The following CCDC7 variants were observed in gnomAD, a reference collection of about 807,000 sequenced individuals.
CCDC7 encodes coiled-coil domain containing 7.
In CCDC7, 183 loss-of-function variants were observed where a neutral mutation model predicts 196.9. That is an observed-to-expected ratio of 0.93 (90% CI 0.82 to 1.05). The LOEUF is 1.05. CCDC7 is among the 50% of genes least tolerant of loss of function. The pLI is 0.00. For missense variants in CCDC7, 1,540 were observed against 1,482.2 expected, an observed-to-expected ratio of 1.04 and a Z score of -0.64; for synonymous variants, 525 against 484.6, an observed-to-expected ratio of 1.08 and a Z score of -1.10.
intron 28 of CCDC7, among the ~76,000 whole-genome samples, chr10:32,755,779 C>A (rs949722723): frequency 2.0e-5 from 3 of 152,050 alleles, no homozygotes; most frequent in African/African-American, 7.2e-5. Context: ...GAGAAGAAGG[C>A]TTCAGACGAT....
exon 28 of CCDC7, chr10:32,729,399 A>G (rs774950638): frequency 2.0e-6 from 3 of 1,510,976 alleles, no homozygotes; most frequent in Non-Finnish European, 2.7e-6. Context: ...AGAAAGTTTT[A>G]TTATCAAGAA....
rs185178021 is a variant in CCDC7 at position 32,739,726 on chromosome 10, G to C, written c.2905+10269G>C. On this transcript the variant is annotated intron_variant, in intron 28 of 41. Coordinates refer to ENST00000639629, the Ensembl canonical transcript of CCDC7. The stretch of plus-strand genomic sequence containing the variant: ...GTTGAAATCTAGACATAATGTATTG[G>C]ACAATAGGAACTGAGGTATGTAAGC... Among the ~76,000 whole-genome samples the C allele has an allele frequency of 1.4e-3, 215 of 151,850 alleles. 1 individual carries two copies. Among genetic ancestry groups the C allele is most frequent in the Admixed American group, 3.5e-3 (54 of 15,222 alleles).
intron 32 of CCDC7, among the ~76,000 whole-genome samples, chr10:32,831,812 G>A (rs1208776513): frequency 6.6e-6 from 1 of 152,094 alleles, no homozygotes; most frequent in African/African-American, 2.4e-5. Flanking sequence ...ACCTGTCTGA[G>A]GCTGTTCTAC....
chr10:32,462,270 TA>T (rs1471496122), intron 3 of CCDC7, among the ~76,000 whole-genome samples: 4 of 151,770 alleles, frequency 2.6e-5, no homozygotes, highest in Admixed American at 2.6e-4. Context: ...AAAACAAAAT[TA>T]AAAATTAGCC....
chr10:32,773,759 G>A (rs2079533845), intron 28 of CCDC7, among the ~76,000 whole-genome samples: 1 of 152,088 alleles, frequency 6.6e-6, no homozygotes, highest in South Asian at 2.1e-4. Context: ...TGATTTTTAT[G>A]TTGATGCCTG....
At chr10:32,472,037 T>C (rs898452256) in intron 6 of CCDC7, among the ~76,000 whole-genome samples, 7 of 152,162 alleles carry the variant, frequency 4.6e-5, no homozygotes, top group African/African-American at 1.4e-4. Context: ...GAGAATAAAC[T>C]GAAGCCAATA....
intron 20 of CCDC7, among the ~76,000 whole-genome samples, chr10:32,635,504 C>G (rs1454031442): frequency 6.6e-6 from 1 of 151,930 alleles, no homozygotes; most frequent in African/African-American, 2.4e-5. Flanking sequence ...GTTTGTTTGC[C>G]TTAAAAACTA....
At chr10:32,669,891 G>A (rs941770574) in intron 21 of CCDC7, among the ~76,000 whole-genome samples, 1 of 151,942 alleles carries the variant, frequency 6.6e-6, no homozygotes, top group Non-Finnish European at 1.5e-5. Context: ...TGTTTGTATT[G>A]TTATACGTGA....
Position 32,472,466 on chromosome 10 carries a change from A to G in CCDC7, c.678-15A>G. On this transcript the variant is annotated splice_polypyrimidine_tract_variant and intron_variant, in intron 6 of 41. Coordinates refer to ENST00000639629, the Ensembl canonical transcript of CCDC7. ...TGATATATTAAAAAATATTTCATTTATCGAACTTTAACAGGGATAAAGAAA... is the reference window on the plus strand; with the variant it reads ...TGATATATTAAAAAATATTTCATTTGTCGAACTTTAACAGGGATAAAGAAA... 1 of 1,562,500 alleles carries G rather than the reference A, an allele frequency of 6.4e-7. No homozygotes were observed. Among genetic ancestry groups the G allele is most frequent in the Admixed American group, 1.9e-5 (1 of 53,928 alleles).
rs201935164 is a variant in CCDC7, at chr10:32,543,321, C to T, written c.1015C>T (p.Arg339Ter). 4.4e-5 allele frequency: 64 copies of T among 1,448,068 alleles called. No individual in the cohort carries two copies. The South Asian group carries it at 6.2e-4, about 14-fold the overall frequency. The allele number at this position is 1,448,068 out of a possible 1,614,324, so 89.7% of individuals were successfully genotyped here. ...ACAGAAAACTAAGCCTACAAATAAT[C>T]GAACAAAGAAAGCTGTGAAAACAGT... is the stretch of plus-strand genomic sequence containing the variant. Residue 339 changes from arginine (R) to a stop codon, truncating the protein, a stop_gained, in exon 12 of 42, where the codon CGA (arginine) becomes TGA (stop). Coordinates refer to ENST00000639629, the Ensembl canonical transcript of CCDC7. LOFTEE classifies it high-confidence loss of function.
intron 23 of CCDC7, among the ~76,000 whole-genome samples, chr10:32,689,883 C>A (rs916178509): frequency 6.6e-6 from 1 of 152,076 alleles, no homozygotes; most frequent in Non-Finnish European, 1.5e-5. Flanking sequence ...TATAGGCACA[C>A]ACCACCACGT....
At position 32,526,450 on chromosome 10, in the gene CCDC7, T is replaced by C. The variant is rs946128581; in HGVS notation, c.993+7945T>C. 3.9e-5 allele frequency among the ~76,000 whole-genome samples: 6 copies of C among 152,184 alleles called. 1 individual carries two copies. Among genetic ancestry groups the C allele is most frequent in the African/African-American group, 1.4e-4 (6 of 41,444 alleles). On this transcript the variant is annotated intron_variant, in intron 11 of 41. Coordinates refer to ENST00000639629, the Ensembl canonical transcript of CCDC7. ...ACCTAGGGTGCAGGACAAAGTCACC[T>C]TTACGTTTCCCCCTTATTTTCTCAA... is the stretch of plus-strand genomic sequence containing the variant.
intron 5 of CCDC7, among the ~76,000 whole-genome samples, chr10:32,468,905 G>A (rs1236921327): frequency 3.3e-5 from 5 of 152,188 alleles, no homozygotes; most frequent in Non-Finnish European, 7.3e-5. Context: ...TGCATTACAT[G>A]TTGCATTAAC....
chr10:32,550,633 T>G (rs2053320968), intron 13 of CCDC7, among the ~76,000 whole-genome samples: 4 of 152,170 alleles, frequency 2.6e-5, no homozygotes, highest in Admixed American at 2.6e-4. Context: ...GTTGAATGAT[T>G]TTTCTGCATC....
At chr10:32,722,256 T>C (rs377692027) in intron 25 of CCDC7, among the ~76,000 whole-genome samples, 1 of 152,114 alleles carries the variant, frequency 6.6e-6, no homozygotes, top group Non-Finnish European at 1.5e-5. Context: ...AGCAGGAATA[T>C]ACTAAAACAA....
At chr10:32,656,006 C>T (rs1217240082) in intron 20 of CCDC7, among the ~76,000 whole-genome samples, 1 of 152,052 alleles carries the variant, frequency 6.6e-6, no homozygotes, top group Non-Finnish European at 1.5e-5. Flanking sequence ...TGTAGGTTGT[C>T]TCTTCATACT....
chr10:32,525,800 A>G (rs2048583374), intron 11 of CCDC7, among the ~76,000 whole-genome samples: 1 of 152,148 alleles, frequency 6.6e-6, no homozygotes, highest in Non-Finnish European at 1.5e-5. Context: ...TAAGATCCAG[A>G]AGGATTCTCT....
chr10:32,657,329 T>C (rs958363097), intron 20 of CCDC7, among the ~76,000 whole-genome samples: 14 of 152,218 alleles, frequency 9.2e-5, no homozygotes, highest in Non-Finnish European at 1.2e-4. Flanking sequence ...TAGCAGAGGT[T>C]CTCCGTGAAT....
At chr10:32,673,092 A>G (rs2074335532) in intron 21 of CCDC7, among the ~76,000 whole-genome samples, 3 of 152,178 alleles carry the variant, frequency 2.0e-5, no homozygotes, top group Non-Finnish European at 4.4e-5. Context: ...CTTGCAGAAG[A>G]TAAGTTCACA....
Sources: gnomAD v4.1 joint callset for allele counts (sites outside exome capture counted in the v4.1 genomes callset) on GRCh38, gnomAD v4.1.1 for gene constraint, MANE v1.5 for transcripts, NCBI Gene and HGNC (gene_info 2026-07-23, HGNC 2026-07-21) for gene names.